ZDHHC2: variants seen among roughly 807,000 people sequenced by gnomAD.
ZDHHC2 encodes zDHHC palmitoyltransferase 2, also known as palmitoyltransferase ZDHHC2.
A neutral mutation model predicts 55.6 loss-of-function variants in ZDHHC2; 51 were observed. That is an observed-to-expected ratio of 0.92 (90% confidence interval 0.73 to 1.16). The LOEUF is 1.16. Among genes scored for constraint, ZDHHC2 ranks in the 50% most tolerant of loss-of-function variants. The pLI, the probability that ZDHHC2 is intolerant of heterozygous loss-of-function variation, is 0.00. For synonymous variants in ZDHHC2, 199 were observed against 152.9 expected (o/e 1.30, Z -2.22); for missense variants, 491 against 442.4 (o/e 1.11, Z -0.99).
intron 6 of ZDHHC2, among the ~76,000 whole-genome samples, chr8:17,199,494 T>A (rs62497328): frequency 2.8e-5 from 3 of 105,504 alleles, no homozygotes; most frequent in Admixed American, 9.5e-5. Flanking sequence ...CTTCTTCTTC[T>A]TCTTCTTCTT....
intron 1 of ZDHHC2, among the ~76,000 whole-genome samples, chr8:17,183,505 G>T (rs899181394): frequency 7.9e-5 from 12 of 152,304 alleles, no homozygotes; most frequent in African/African-American, 2.6e-4. Context: ...AGGTCATCCA[G>T]GCCTGCCTGT....
intron 1 of ZDHHC2, among the ~76,000 whole-genome samples, chr8:17,157,248 C>A (rs562228577): frequency 6.6e-6 from 1 of 152,320 alleles, no homozygotes; most frequent in African/African-American, 2.4e-5. Flanking sequence ...CCGAGCTGCG[C>A]CAGACCCGCG....
intron 1 of ZDHHC2, among the ~76,000 whole-genome samples, chr8:17,159,909 C>T (rs1242089884): frequency 6.6e-6 from 1 of 152,154 alleles, no homozygotes; most frequent in African/African-American, 2.4e-5. Context: ...TCCCTCTCTC[C>T]ACTCCTGGCT....
intron 3 of ZDHHC2, among the ~76,000 whole-genome samples, chr8:17,188,574 G>C (rs1805849564): frequency 6.6e-6 from 1 of 151,986 alleles, no homozygotes; most frequent in African/African-American, 2.4e-5. Context: ...TCAGCTCCTA[G>C]ACTGCCAAAG....
At chr8:17,182,224 A>AAT (rs908858636) in intron 1 of ZDHHC2, among the ~76,000 whole-genome samples, 12 of 152,074 alleles carry the variant, frequency 7.9e-5, no homozygotes, top group Non-Finnish European at 1.2e-4. Flanking sequence ...TTTTATTTGC[A>AAT]ATATATATAT....
intron 1 of ZDHHC2, among the ~76,000 whole-genome samples, chr8:17,167,392 G>A (rs1804655672): frequency 7.2e-6 from 1 of 139,394 alleles, no homozygotes; most frequent in African/African-American, 2.7e-5. Flanking sequence ...TGCAACCTCT[G>A]CCTCCCGAGT....
At chr8:17,204,744 A>G (rs890267151) in intron 6 of ZDHHC2, among the ~76,000 whole-genome samples, 1 of 152,194 alleles carries the variant, frequency 6.6e-6, no homozygotes, top group African/African-American at 2.4e-5. Context: ...AATAATCTAT[A>G]CAACAGACCC....
At chr8:17,184,636 T>C (rs978611442) in intron 1 of ZDHHC2, among the ~76,000 whole-genome samples, 153 bp from the exon 2 acceptor site, 3 of 152,162 alleles carry the variant, frequency 2.0e-5, no homozygotes, top group Non-Finnish European at 4.4e-5. Flanking sequence ...CACACTGTGC[T>C]CACCTCTCCT....
intron 10 of ZDHHC2, among the ~76,000 whole-genome samples, chr8:17,214,827 G>A (rs1016131179): frequency 2.6e-5 from 4 of 152,062 alleles, no homozygotes; most frequent in African/African-American, 4.8e-5. Context: ...TGATTTGAGC[G>A]AAGGAGGTTG....
intron 1 of ZDHHC2, among the ~76,000 whole-genome samples, chr8:17,163,275 G>T (rs1585638986): frequency 6.6e-6 from 1 of 152,178 alleles, no homozygotes; most frequent in Non-Finnish European, 1.5e-5. Context: ...CCCCAGCCTG[G>T]TAACAGCGGG....
chr8:17,183,751 C>T (rs1188438991), intron 1 of ZDHHC2, among the ~76,000 whole-genome samples: 2 of 152,114 alleles, frequency 1.3e-5, no homozygotes, highest in Non-Finnish European at 2.9e-5. Context: ...CAGCCAATTT[C>T]AACACCCTGG....
chr8:17,193,781 T>A (rs1057424524), intron 3 of ZDHHC2, among the ~76,000 whole-genome samples: 6 of 151,766 alleles, frequency 4.0e-5, no homozygotes, highest in East Asian at 1.9e-4. Context: ...GCATTTTTTT[T>A]ATTATACTTT....
intron 1 of ZDHHC2, among the ~76,000 whole-genome samples, chr8:17,181,202 G>A (rs1362926928): frequency 6.6e-6 from 1 of 152,158 alleles, no homozygotes. Flanking sequence ...CCAGTTTTAT[G>A]TGATTCAAAT....
chr8:17,171,146 G>A (rs182919828), intron 1 of ZDHHC2, among the ~76,000 whole-genome samples: 1 of 152,148 alleles, frequency 6.6e-6, no homozygotes, highest in African/African-American at 2.4e-5. Context: ...GAAAGGAGGG[G>A]GGTGGGGCTG....
chr8:17,161,887 A>ATTATTAG (rs1412783290), intron 1 of ZDHHC2, among the ~76,000 whole-genome samples: 3 of 152,182 alleles, frequency 2.0e-5, no homozygotes, highest in African/African-American at 7.2e-5. Flanking sequence ...AAAAAAAGAA[A>ATTATTAG]TTATTAGTTG....
At chr8:17,216,546 C>T (rs1017826973) in intron 11 of ZDHHC2, among the ~76,000 whole-genome samples, 3 of 152,028 alleles carry the variant, frequency 2.0e-5, no homozygotes, top group Non-Finnish European at 2.9e-5. Context: ...CCATCATTTT[C>T]GTTAGAGGCA....
chr8:17,182,741 A>G (rs958075125), intron 1 of ZDHHC2, among the ~76,000 whole-genome samples: 35 of 152,044 alleles, frequency 2.3e-4, no homozygotes, highest in Admixed American at 2.0e-3. Flanking sequence ...AAGATTAGCA[A>G]CTCGTACCAA....
At chr8:17,168,899 G>C (rs1245427897) in intron 1 of ZDHHC2, among the ~76,000 whole-genome samples, 1 of 152,082 alleles carries the variant, frequency 6.6e-6, no homozygotes, top group Non-Finnish European at 1.5e-5. Flanking sequence ...AATATTTCGT[G>C]GCATGTATAT....
In ZDHHC2 at chr8:17,197,658, G is replaced by A. The variant is rs966580952; in HGVS notation, c.443+7G>A. The A allele has an allele frequency of 6.2e-7, 1 of 1,611,936 alleles. No homozygotes were observed. Among genetic ancestry groups the A allele is most frequent in the Non-Finnish European group, 8.5e-7 (1 of 1,178,928 alleles). The stretch of plus-strand genomic sequence containing the variant: ...ACTGCTCCGTCTGTGATAAGTAAGA[G>A]AACCTTTAACTTCTAAAATATCTAC... On this transcript the variant is annotated splice_region_variant and intron_variant, in intron 5 of 12. Transcript: ENST00000262096.
Sources: gnomAD v4.1 joint callset for allele counts (sites outside exome capture counted in the v4.1 genomes callset) on GRCh38, gnomAD v4.1.1 for gene constraint, MANE v1.5 for transcripts, NCBI Gene and HGNC (gene_info 2026-07-23, HGNC 2026-07-21) for gene names.